Variants in DNAJB6 observed in about 807,000 individuals in gnomAD.
DNAJB6 encodes dnaJ homolog subfamily B member 6.
In DNAJB6, 16 loss-of-function variants were observed where a neutral mutation model predicts 42.7. The observed-to-expected ratio is 0.37, with a 90% CI of 0.25 to 0.57. The LOEUF is 0.57. DNAJB6 is among the 20% of genes least tolerant of loss of function. The pLI is 0.74. For synonymous variants in DNAJB6, 170 were observed against 163.5 expected (o/e 1.04, Z -0.30); for missense variants, 347 against 416.8 (o/e 0.83, Z 1.46).
chr7:157,409,233 T>G (rs1795882427), intron 8 of DNAJB6, among the ~76,000 whole-genome samples: 1 of 152,116 alleles, frequency 6.6e-6, no homozygotes, highest in Non-Finnish European at 1.5e-5. Flanking sequence ...CCGGCCCGTC[T>G]TGGGTGTGTG....
At chr7:157,353,725 T>G (rs1799129724) in intron 1 of DNAJB6, among the ~76,000 whole-genome samples, 1 of 152,010 alleles carries the variant, frequency 6.6e-6, no homozygotes, top group Non-Finnish European at 1.5e-5. Flanking sequence ...CGCGGTGCAG[T>G]CCTGACTCAC....
At position 157,383,603 on chromosome 7, in the gene DNAJB6, ATGTGTGTTTG is replaced by A. The variant is rs757661172; in HGVS notation, c.478+1234_478+1243del. Among the ~76,000 whole-genome samples, 4 of 93,888 alleles carry A rather than the reference ATGTGTGTTTG, an allele frequency of 4.3e-5. 1 individual carries two copies. The highest frequency in any genetic ancestry group is 6.5e-4 in the South Asian group (2 of 3,062). The allele number at this position is 93,888 out of a possible 152,430, so 61.6% of individuals were successfully genotyped here. ...TTTAAAAGTAATCAGTGGCTCCTGT[ATGTGTGTTTG>A]TGTGTGTGTGTGTGTGTGTGTGTGT... On this transcript the variant is annotated intron_variant, in intron 6 of 9. Transcript: ENST00000262177.
chr7:157,357,747 A>G (rs1261063420), intron 1 of DNAJB6, among the ~76,000 whole-genome samples: 3 of 152,212 alleles, frequency 2.0e-5, no homozygotes, highest in African/African-American at 4.8e-5. Flanking sequence ...TACATCCTCC[A>G]TTAGAGCTGG....
rs1389283362 is a variant in DNAJB6 at position 157,416,895 on chromosome 7, AT to A, written c.*798del. 2 of 152,184 alleles carry A rather than the reference AT, an allele frequency of 1.3e-5. No homozygotes were observed. Among genetic ancestry groups the A allele is most frequent in the African/African-American group, 4.8e-5 (2 of 41,430 alleles). 9.4% of individuals were successfully genotyped at this position (152,184 alleles called of 1,614,324 possible). On this transcript the variant is annotated 3_prime_UTR_variant, in exon 10 of 10. Transcript: ENST00000262177. ...GAGACGGCACAAGGAGGTTGAACTC[AT>A]GTTTCAGTTCGCGAACATTGACTCC... is the stretch of plus-strand genomic sequence containing the variant.
chr7:157,389,322 A>G (rs1447484860), intron 8 of DNAJB6, among the ~76,000 whole-genome samples: 2 of 152,258 alleles, frequency 1.3e-5, no homozygotes. Flanking sequence ...ACGGTAATAA[A>G]TAATTGGCAT....
chr7:157,413,400 G>A (rs1039415967), intron 9 of DNAJB6: 1 of 152,242 alleles, frequency 6.6e-6, no homozygotes, highest in African/African-American at 2.4e-5. Flanking sequence ...GGAGCTCTCG[G>A]AACTGAAGAT....
At chr7:157,345,499 T>C (rs942800316) in intron 1 of DNAJB6, among the ~76,000 whole-genome samples, 2 of 152,178 alleles carry the variant, frequency 1.3e-5, no homozygotes, top group African/African-American at 4.8e-5. Flanking sequence ...TATCTTTTTG[T>C]AGAGATGGTG....
intron 8 of DNAJB6, among the ~76,000 whole-genome samples, chr7:157,399,417 G>A (rs1004792360): frequency 3.9e-5 from 6 of 152,192 alleles, no homozygotes; most frequent in Admixed American, 1.3e-4. Flanking sequence ...AGACCGCAGG[G>A]GTTGCGTAAG....
At chr7:157,375,558 C>CTG (rs988680079) in intron 5 of DNAJB6, among the ~76,000 whole-genome samples, 2 of 152,218 alleles carry the variant, frequency 1.3e-5, no homozygotes, top group African/African-American at 4.8e-5. Context: ...GGCGTGCCTG[C>CTG]TGTTTAGTGC....
At chr7:157,410,307 G>T in intron 9 of DNAJB6, 1 of 544,482 alleles carries the variant, frequency 1.8e-6, no homozygotes, top group Non-Finnish European at 2.9e-6. Flanking sequence ...CCGTAGACGT[G>T]CCTTTTCGTA....
chr7:157,410,054 T>A, intron 9 of DNAJB6, 53 bp downstream of exon 9: 1 of 1,481,624 alleles, frequency 6.7e-7, no homozygotes, highest in South Asian at 1.3e-5. Flanking sequence ...CTTCTCTGGG[T>A]GCCAGAGGAC....
At chr7:157,347,077 G>C (rs1798727645) in intron 1 of DNAJB6, among the ~76,000 whole-genome samples, 1 of 152,016 alleles carries the variant, frequency 6.6e-6, no homozygotes, top group South Asian at 2.1e-4. Context: ...GGATGGTCTT[G>C]ATCTCCTGAC....
At chr7:157,338,309 G>A (rs538671631) in intron 1 of DNAJB6, among the ~76,000 whole-genome samples, 1 of 151,626 alleles carries the variant, frequency 6.6e-6, no homozygotes, top group African/African-American at 2.4e-5. Flanking sequence ...CCCGTCCCGC[G>A]TTCTCTCTGG....
At chr7:157,401,780 C>G (rs1213680500) in intron 8 of DNAJB6, among the ~76,000 whole-genome samples, 3 of 152,210 alleles carry the variant, frequency 2.0e-5, no homozygotes, top group Non-Finnish European at 4.4e-5. Flanking sequence ...GGGAACAGGA[C>G]CGAGGCGGTG....
At chr7:157,406,221 C>A (rs1584948731) in intron 8 of DNAJB6, among the ~76,000 whole-genome samples, 1 of 152,258 alleles carries the variant, frequency 6.6e-6, no homozygotes, top group East Asian at 1.9e-4. Flanking sequence ...CCACGGGAAG[C>A]TCGGTGTGGG....
intron 8 of DNAJB6, among the ~76,000 whole-genome samples, chr7:157,404,466 CTTTT>C (rs55793060): frequency 2.3e-4 from 24 of 103,180 alleles, no homozygotes; most frequent in African/African-American, 2.4e-4. Context: ...TAATTTTTGT[CTTTT>C]TTTTTTTTTT....
chr7:157,352,901 T>C (rs750472975), intron 1 of DNAJB6, among the ~76,000 whole-genome samples: 6 of 152,042 alleles, frequency 3.9e-5, no homozygotes, highest in Non-Finnish European at 7.4e-5. Context: ...TCCTACGCTG[T>C]GAACATTACT....
At chr7:157,394,994 G>C (rs1201109802) in intron 8 of DNAJB6, among the ~76,000 whole-genome samples, 1 of 152,146 alleles carries the variant, frequency 6.6e-6, no homozygotes, top group Non-Finnish European at 1.5e-5. Context: ...AGGAGGCTAA[G>C]GTGCGAGGAT....
chr7:157,397,078 C>T (rs747347791), intron 8 of DNAJB6, among the ~76,000 whole-genome samples: 16 of 152,174 alleles, frequency 1.1e-4, no homozygotes, highest in African/African-American at 2.9e-4. Flanking sequence ...CGTGTGCACG[C>T]GGTGTGTGTG....
Sources: gnomAD v4.1 joint callset for allele counts (sites outside exome capture counted in the v4.1 genomes callset) on GRCh38, gnomAD v4.1.1 for gene constraint, MANE v1.5 for transcripts, NCBI Gene and HGNC (gene_info 2026-07-23, HGNC 2026-07-21) for gene names.